The following CCDC66 variants were observed in gnomAD, a reference collection of about 807,000 sequenced individuals.
The protein encoded by CCDC66 is coiled-coil domain containing 66, also known as coiled-coil domain-containing protein 66.
CCDC66 carries 133 observed loss-of-function variants against 128.3 expected under a neutral mutation model. That is an observed-to-expected ratio of 1.04 (90% CI 0.90 to 1.20). The LOEUF (loss-of-function observed/expected upper bound fraction) is 1.20, where lower values mean the gene tolerates loss of function less well. Ranked by LOEUF, CCDC66 falls within the 50% of genes most tolerant of loss-of-function variation. The pLI is 0.00. For missense variants in CCDC66, 1,126 were observed against 1,075.5 expected, an observed-to-expected ratio of 1.05 and a Z score of -0.66; for synonymous variants, 387 against 357.0, an observed-to-expected ratio of 1.08 and a Z score of -0.95.
intron 10 of CCDC66, among the ~76,000 whole-genome samples, chr3:56,597,214 C>CA (rs2072145363): frequency 6.6e-6 from 1 of 152,028 alleles, no homozygotes; most frequent in African/African-American, 2.4e-5. Flanking sequence ...GCTGTAAATA[C>CA]ATGGATTTAT....
intron 3 of CCDC66, among the ~76,000 whole-genome samples, chr3:56,560,674 C>G (rs910373652): frequency 6.6e-6 from 1 of 152,106 alleles, no homozygotes; most frequent in Admixed American, 6.5e-5. Context: ...GAGCCGAGAT[C>G]GCACCACTGC....
At chr3:56,593,777 A>T (rs768147574) in intron 9 of CCDC66, 36 bp downstream of exon 9, 1 of 1,601,362 alleles carries the variant, frequency 6.2e-7, no homozygotes, top group South Asian at 1.1e-5. Flanking sequence ...GACTTTTCAG[A>T]AAGTCTGTGT....
In CCDC66 at chr3:56,583,911, C is replaced by T. The variant is rs1227663874; in HGVS notation, c.937-9059C>T. On this transcript the variant is annotated intron_variant, in intron 7 of 17. Coordinates refer to ENST00000394672, the MANE Select transcript of CCDC66 (RefSeq NM_001141947.3). ...GCCCCCCACCTCCCGGATGGGGCGGCGGCTGGGCGGGGGCTGCCCCCCACC... is the reference window on the plus strand; with the variant it reads ...GCCCCCCACCTCCCGGATGGGGCGGTGGCTGGGCGGGGGCTGCCCCCCACC... Among the ~76,000 whole-genome samples the T allele has an allele frequency of 6.5e-4, 49 of 75,484 alleles. 3 individuals carry two copies. Among genetic ancestry groups the T allele is most frequent in the Admixed American group, 2.6e-3 (15 of 5,816 alleles). 49.5% of individuals were successfully genotyped at this position (75,484 alleles called of 152,430 possible). A position where few individuals can be genotyped will look rare whatever the true frequency, so the allele number is the denominator to read the frequency against.
chr3:56,568,458 A>G (rs748547253), intron 6 of CCDC66, among the ~76,000 whole-genome samples: 72 of 152,322 alleles, frequency 4.7e-4, no homozygotes, highest in African/African-American at 1.3e-3. Flanking sequence ...TTTGACATCT[A>G]GAGTAGTTCT....
At chr3:56,572,495 C>T (rs1402800796) in intron 7 of CCDC66, 19 of 659,916 alleles carry the variant, frequency 2.9e-5, no homozygotes, top group Non-Finnish European at 3.6e-5. Flanking sequence ...ACCTATTTTC[C>T]TTGAAGGAGA....
chr3:56,603,187 T>C (rs1023498087), intron 10 of CCDC66, among the ~76,000 whole-genome samples: 11 of 151,792 alleles, frequency 7.2e-5, no homozygotes, highest in Admixed American at 1.3e-4. Flanking sequence ...TTTCTTCTTA[T>C]TAGTCTGGCT....
chr3:56,581,697 C>T (rs185889938), intron 7 of CCDC66, among the ~76,000 whole-genome samples: 17 of 151,942 alleles, frequency 1.1e-4, no homozygotes, highest in African/African-American at 4.1e-4. Context: ...TCCTGTTTGC[C>T]TGGGTATCAC....
Position 56,563,860 on chromosome 3 carries a change from G to A in CCDC66, c.279G>A (p.Lys93=), listed in dbSNP as rs1458558640. ...ATGGAATGACTTTTTCATCCACTAA[G>A]GATTTATGTAAACAATGTATAGATA... is the stretch of plus-strand genomic sequence containing the variant. ...EKNGMTFSST[K]DLCKQCIDKD... Residue 93 remains lysine, a synonymous_variant, in exon 4 of 18, where the codon AAG becomes AAA. Transcript: ENST00000394672. 6 of 1,595,234 alleles carry A rather than the reference G, an allele frequency of 3.8e-6. No individual in the cohort carries two copies. Among genetic ancestry groups the A allele is most frequent in the Non-Finnish European group, 5.1e-6 (6 of 1,169,486 alleles).
chr3:56,563,407 A>C, intron 3 of CCDC66: 2 of 256,638 alleles, frequency 7.8e-6, no homozygotes, highest in East Asian at 6.5e-5. Flanking sequence ...AAAAAAAAAA[A>C]GAGATAATGT....
chr3:56,565,383 C>T lies in CCDC66; in HGVS notation c.545-1211C>T, dbSNP rs1007721482. ...CTGCCTCCCGGGTTCACACCATTCT[C>T]CTGCCTCAGCCTCCCGAGTAGCTGG... On this transcript the variant is annotated intron_variant, in intron 4 of 17. Transcript: ENST00000394672. Among the ~76,000 whole-genome samples, 3 of 151,220 alleles carry T rather than the reference C, an allele frequency of 2.0e-5. No homozygotes were observed. The East Asian group carries it at 5.8e-4, about 29-fold the overall frequency.
intron 7 of CCDC66, among the ~76,000 whole-genome samples, chr3:56,575,894 G>A (rs1432247079): frequency 6.6e-6 from 1 of 151,654 alleles, no homozygotes; most frequent in Non-Finnish European, 1.5e-5. Context: ...GTGTATGTGA[G>A]GATTTATTTC....
chr3:56,576,053 T>C (rs1481571492), intron 7 of CCDC66, among the ~76,000 whole-genome samples: 1 of 151,426 alleles, frequency 6.6e-6, no homozygotes, highest in Non-Finnish European at 1.5e-5. Flanking sequence ...ATTTTTCTAT[T>C]TCTGCAAAAA....
chr3:56,563,069 A>T (rs932311708), intron 3 of CCDC66, among the ~76,000 whole-genome samples: 1 of 152,142 alleles, frequency 6.6e-6, no homozygotes, highest in Non-Finnish European at 1.5e-5. Context: ...TCTTTATAAT[A>T]ATAAAAAATG....
intron 12 of CCDC66, among the ~76,000 whole-genome samples, chr3:56,615,664 G>T (rs1175518048): frequency 6.6e-6 from 1 of 152,100 alleles, no homozygotes; most frequent in Non-Finnish European, 1.5e-5. Context: ...AATAAAAGCA[G>T]AACTAAAGGT....
Position 56,558,871 on chromosome 3 carries a change from T to G in CCDC66, c.37T>G (p.Leu13Val), listed in dbSNP as rs992631263. The change falls in exon 2 of 18, where the codon TTA (leucine) becomes GTA (valine). Residue 13 changes from leucine to valine, a missense_variant. By Grantham distance (32) the Leu-to-Val change is conservative. Transcript: ENST00000394672. The part of the protein sequence containing the change: ...LGDGLKLETE[L>V]LDGKTKLILS... The stretch of plus-strand genomic sequence containing the variant: ...AGATGGTTTAAAGCTTGAAACTGAA[T>G]TACTGGATGGAAAAACCAAGCTAAT... 5 of 1,549,676 alleles carry G rather than the reference T, an allele frequency of 3.2e-6. No homozygotes were observed. In the Admixed American group the frequency reaches 9.8e-5, roughly 30 times the overall value.
rs758237593 is a variant in CCDC66 at position 56,601,332 on chromosome 3, A to G, written c.1404+7304A>G. Among the ~76,000 whole-genome samples the G allele has an allele frequency of 1.4e-4, 21 of 151,974 alleles. 1 individual carries two copies. Among genetic ancestry groups the G allele is most frequent in the African/African-American group, 4.6e-4 (19 of 41,276 alleles). ...CCTCTCTTCTGTTCTATTCATCTAT[A>G]TATCTGTTTTGGTACCAGTACCATG... On this transcript the variant is annotated intron_variant, in intron 10 of 17. Transcript: ENST00000394672.
intron 7 of CCDC66, among the ~76,000 whole-genome samples, chr3:56,571,842 C>T (rs2066669578): frequency 6.6e-6 from 1 of 152,040 alleles, no homozygotes; most frequent in Admixed American, 6.6e-5. Flanking sequence ...CCTCTGCCTC[C>T]CAAATGGCTG....
In CCDC66 at chr3:56,616,024, C is replaced by CTTA. The variant is rs67797937; in HGVS notation, c.1816_1817insATT (p.Thr605_Ser606insTyr). ...ATGAATACATATATGAATTCTACGA[C>CTTA]TTCTAAGAAGGATACTGGTGTGCAA... is the stretch of plus-strand genomic sequence containing the variant. On this transcript the variant is annotated inframe_insertion, in exon 13 of 18. Coordinates refer to ENST00000394672, the MANE Select transcript of CCDC66 (RefSeq NM_001141947.3). The CTTA allele has an allele frequency of 6.7e-7, 1 of 1,491,022 alleles. No homozygotes were observed. The highest frequency in any genetic ancestry group is 8.8e-7 in the Non-Finnish European group (1 of 1,133,286). The allele number at this position is 1,491,022 out of a possible 1,614,324, so 92.4% of individuals were successfully genotyped here. A position where few individuals can be genotyped will look rare whatever the true frequency, so the allele number is the denominator to read the frequency against.
At chr3:56,604,372 C>T (rs1234958142) in intron 10 of CCDC66, among the ~76,000 whole-genome samples, 1 of 151,910 alleles carries the variant, frequency 6.6e-6, no homozygotes, top group Non-Finnish European at 1.5e-5. Context: ...TTCATAGTGT[C>T]GATGGTCTTT....
Sources: gnomAD v4.1 joint callset for allele counts (sites outside exome capture counted in the v4.1 genomes callset) on GRCh38, gnomAD v4.1.1 for gene constraint, MANE v1.5 for transcripts, NCBI Gene and HGNC (gene_info 2026-07-23, HGNC 2026-07-21) for gene names.